RAC1: variants seen among roughly 807,000 people sequenced by gnomAD.
RAC1 encodes the protein Rac family small GTPase 1.
In RAC1, 2 loss-of-function variants were observed where a neutral mutation model predicts 25.2. The ratio of observed to expected loss-of-function variants is 0.08; its 90% CI spans 0.03 to 0.25. RAC1 has a LOEUF of 0.25. Ranked by LOEUF, RAC1 falls within the 10% of genes least tolerant of loss-of-function variation. The pLI, the probability that RAC1 is intolerant of heterozygous loss-of-function variation, is 1.00. For synonymous variants in RAC1, 88 were observed against 94.0 expected (o/e 0.94, Z 0.37); for missense variants, 50 against 235.7 (o/e 0.21, Z 5.16).
intron 1 of RAC1, 128 bp downstream of exon 1, chr7:6,374,898 G>C (rs1782535503): frequency 1.3e-6 from 1 of 787,652 alleles, no homozygotes; most frequent in Non-Finnish European, 1.6e-6. Flanking sequence ...CTGGGCCTGT[G>C]TCGCGGGGCG....
intron 2 of RAC1, chr7:6,391,373 T>G (rs1238972995): frequency 6.5e-6 from 1 of 153,390 alleles, no homozygotes; most frequent in Non-Finnish European, 1.5e-5. Flanking sequence ...CTGACTAATT[T>G]GTGTAGCAAC....
chr7:6,380,111 ACAT>A (rs139638725), intron 1 of RAC1, among the ~76,000 whole-genome samples: 92 of 152,328 alleles, frequency 6.0e-4, no homozygotes, highest in African/African-American at 2.1e-3. Context: ...GCCTTCCGTG[ACAT>A]CATCCTTACA....
At chr7:6,387,426 T>C (rs1158676833) in intron 2 of RAC1, 143 bp downstream of exon 2, 6 of 641,578 alleles carry the variant, frequency 9.4e-6, no homozygotes, top group Non-Finnish European at 1.6e-5. Flanking sequence ...AACCTAATTA[T>C]AAGGTATATT....
chr7:6,374,902 C>T (rs1405356969), intron 1 of RAC1, 132 bp downstream of exon 1: 8 of 735,384 alleles, frequency 1.1e-5, no homozygotes, highest in Non-Finnish European at 1.3e-5. Context: ...GCCTGTGTCG[C>T]GGGGCGGGGG....
intron 3 of RAC1, among the ~76,000 whole-genome samples, chr7:6,393,547 A>G (rs183451370): frequency 1.3e-5 from 2 of 152,274 alleles, no homozygotes; most frequent in East Asian, 3.9e-4. Flanking sequence ...CACACAGATA[A>G]GGAAAGAGAA....
intron 3 of RAC1, among the ~76,000 whole-genome samples, chr7:6,395,511 G>T (rs1198613763): frequency 3.9e-5 from 6 of 152,160 alleles, no homozygotes. Flanking sequence ...ACTCTTACTG[G>T]CCGGGAGCAG....
intron 1 of RAC1, among the ~76,000 whole-genome samples, chr7:6,386,452 A>T (rs1782926003): frequency 6.6e-6 from 1 of 152,116 alleles, no homozygotes. Context: ...TAAGTTACTT[A>T]AAGAGGAAGG....
chr7:6,374,977 G>C (rs1782538844), intron 1 of RAC1, among the ~76,000 whole-genome samples: 1 of 151,750 alleles, frequency 6.6e-6, no homozygotes, highest in Admixed American at 6.6e-5. Context: ...TCCGGCTCTC[G>C]ATGGAGGAGG....
chr7:6,386,436 G>C (rs1375037232), intron 1 of RAC1, among the ~76,000 whole-genome samples: 1 of 152,112 alleles, frequency 6.6e-6, no homozygotes, highest in Non-Finnish European at 1.5e-5. Flanking sequence ...ACTTAAGGCA[G>C]CAGAATAAGT....
rs999907435 is a variant in RAC1 at position 6,403,494 on chromosome 7, G to A, written c.*1048G>A. 1 of 218,684 alleles carries A rather than the reference G, an allele frequency of 4.6e-6. No homozygotes were observed. Among genetic ancestry groups the A allele is most frequent in the Non-Finnish European group, 9.2e-6 (1 of 108,804 alleles). 13.5% of individuals were successfully genotyped at this position (218,684 alleles called of 1,614,324 possible). On this transcript the variant is annotated 3_prime_UTR_variant, in exon 6 of 6. Transcript: ENST00000348035. ...TAATGCATTAGAAGGTTTTTTTGTC[G>A]ATTAGTAAAAGTGCTTTCCATGTTA... is the stretch of plus-strand genomic sequence containing the variant.
rs973993462 is a variant in RAC1, at chr7:6,402,769, C to G, written c.*323C>G. 1.2e-5 allele frequency: 3 copies of G among 242,622 alleles called. No individual in the cohort carries two copies. In the East Asian group the frequency reaches 2.0e-4, roughly 16 times the overall value. 15.0% of individuals were successfully genotyped at this position (242,622 alleles called of 1,614,324 possible). A position where few individuals can be genotyped will look rare whatever the true frequency, so the allele number is the denominator to read the frequency against. On this transcript the variant is annotated 3_prime_UTR_variant, in exon 6 of 6. Transcript: ENST00000348035. Reference sequence around the variant, plus strand: ...AGATTAAGAGTTGCCAAAATACCTTCTGAACTACACTGCATTGTTGTGCCG... The same window carrying G: ...AGATTAAGAGTTGCCAAAATACCTTGTGAACTACACTGCATTGTTGTGCCG...
chr7:6,383,378 TAA>T (rs781295786), intron 1 of RAC1, among the ~76,000 whole-genome samples: 48 of 152,274 alleles, frequency 3.2e-4, no homozygotes, highest in South Asian at 6.2e-4. Flanking sequence ...TCAGAAGACT[TAA>T]AGAGGAGTCG....
At chr7:6,398,516 G>A (rs940936496) in intron 3 of RAC1, 22 of 652,176 alleles carry the variant, frequency 3.4e-5, no homozygotes, top group Non-Finnish European at 5.5e-5. Context: ...ATTTGTCATC[G>A]AAGATATGTT....
intron 2 of RAC1, among the ~76,000 whole-genome samples, chr7:6,387,812 T>C (rs1454429928): frequency 6.6e-6 from 1 of 152,154 alleles, no homozygotes; most frequent in Non-Finnish European, 1.5e-5. Flanking sequence ...AAGCAAACTT[T>C]AACTGTCTGT....
chr7:6,391,869 G>C, intron 2 of RAC1, 55 bp from the exon 3 acceptor site: 2 of 1,612,224 alleles, frequency 1.2e-6, no homozygotes, highest in Admixed American at 1.7e-5. Context: ...AGGATGGCTG[G>C]GACAGTGACT....
intron 2 of RAC1, among the ~76,000 whole-genome samples, chr7:6,387,644 G>A (rs1353842113): frequency 1.3e-5 from 2 of 151,768 alleles, no homozygotes; most frequent in South Asian, 2.1e-4. Context: ...AGAATCACTC[G>A]AACCGTGGAG....
chr7:6,394,651 T>G (rs958505241), intron 3 of RAC1, among the ~76,000 whole-genome samples: 1 of 152,040 alleles, frequency 6.6e-6, no homozygotes, highest in East Asian at 2.0e-4. Context: ...GCCAGTTGTT[T>G]CATTTTCTCT....
intron 1 of RAC1, among the ~76,000 whole-genome samples, chr7:6,386,891 G>T (rs1271566512): frequency 5.3e-5 from 8 of 152,078 alleles, no homozygotes; most frequent in Non-Finnish European, 1.2e-4. Context: ...GAAGAGACGT[G>T]AAGTTTTAAA....
intron 1 of RAC1, among the ~76,000 whole-genome samples, chr7:6,380,573 C>G (rs772201220): frequency 8.5e-5 from 13 of 152,182 alleles, no homozygotes; most frequent in Non-Finnish European, 1.9e-4. Flanking sequence ...CTACGTAGCT[C>G]TTAAAATTGT....
Sources: gnomAD v4.1 joint callset for allele counts (sites outside exome capture counted in the v4.1 genomes callset) on GRCh38, gnomAD v4.1.1 for gene constraint, MANE v1.5 for transcripts, NCBI Gene and HGNC (gene_info 2026-07-23, HGNC 2026-07-21) for gene names.